ATP2B2: variants seen among roughly 807,000 people sequenced by gnomAD.
ATP2B2 encodes the protein ATPase plasma membrane Ca2+ transporting 2, also known as plasma membrane calcium-transporting ATPase 2.
In ATP2B2, 15 loss-of-function variants were observed where a neutral mutation model predicts 120.0. That is an observed-to-expected ratio of 0.12 (90% CI 0.08 to 0.19). The LOEUF is 0.19. ATP2B2 is among the 10% of genes least tolerant of loss of function. The probability of loss-of-function intolerance (pLI) is 1.00; values close to 1 mark genes in which losing one functional copy is unlikely to be tolerated. For missense variants in ATP2B2, 1,045 were observed against 1,719.8 expected (o/e 0.61, Z 6.94); for synonymous variants, 694 against 700.3 (o/e 0.99, Z 0.14).
At chr3:10,379,457 C>G (rs1480269059) in intron 8 of ATP2B2, among the ~76,000 whole-genome samples, 173 bp from the exon 9 acceptor site, 1 of 152,186 alleles carries the variant, frequency 6.6e-6, no homozygotes, top group Non-Finnish European at 1.5e-5. Context: ...AGGAGCAGGC[C>G]TGGCCGCACC....
intron 2 of ATP2B2, among the ~76,000 whole-genome samples, chr3:10,553,042 T>G (rs895655372): frequency 2.6e-5 from 4 of 152,196 alleles, no homozygotes; most frequent in African/African-American, 9.7e-5. Flanking sequence ...CAGTTCCCCA[T>G]CTGTGCAATG....
chr3:10,495,343 C>T (rs1310723776), intron 1 of ATP2B2, among the ~76,000 whole-genome samples: 2 of 152,188 alleles, frequency 1.3e-5, no homozygotes, highest in Non-Finnish European at 2.9e-5. Flanking sequence ...TCAGTCTCCT[C>T]TTAGGTCCAA....
chr3:10,415,264 C>T (rs2125039520), intron 2 of ATP2B2, among the ~76,000 whole-genome samples: 1 of 152,266 alleles, frequency 6.6e-6, no homozygotes, highest in Non-Finnish European at 1.5e-5. Flanking sequence ...TAGTGCTGTG[C>T]CTGGCACCGG....
intron 15 of ATP2B2, 23 bp from the exon 16 acceptor site, chr3:10,350,222 GCGGGTCGGTGGGGT>G: frequency 6.3e-7 from 1 of 1,593,648 alleles, no homozygotes; most frequent in Non-Finnish European, 8.6e-7. Flanking sequence ...GGGGAAGGGG[GCGGGTCGGTGGGGT>G]CGGGGAGAGA....
intron 1 of ATP2B2, among the ~76,000 whole-genome samples, chr3:10,460,691 G>A (rs1466342812): frequency 6.6e-6 from 1 of 152,174 alleles, no homozygotes; most frequent in African/African-American, 2.4e-5. Flanking sequence ...TGTATAAAAG[G>A]TGACTCAGGG....
At chr3:10,468,911 C>T (rs867604272) in intron 1 of ATP2B2, among the ~76,000 whole-genome samples, 2 of 152,366 alleles carry the variant, frequency 1.3e-5, no homozygotes, top group Middle Eastern at 3.4e-3. Flanking sequence ...TTCAAACACA[C>T]TTCGGTAGTT....
intron 22 of ATP2B2, among the ~76,000 whole-genome samples, chr3:10,333,981 G>T (rs894655394): frequency 6.6e-6 from 1 of 152,250 alleles, no homozygotes; most frequent in Non-Finnish European, 1.5e-5. Flanking sequence ...ATGAAGAAAA[G>T]GGCATTTCTG....
chr3:10,349,286 C>G (rs544511348), intron 16 of ATP2B2, among the ~76,000 whole-genome samples: 6 of 152,040 alleles, frequency 3.9e-5, no homozygotes, highest in Non-Finnish European at 5.9e-5. Context: ...GACCCTGTCT[C>G]TATAAAGAAT....
intron 1 of ATP2B2, among the ~76,000 whole-genome samples, chr3:10,685,896 A>G (rs999273604): frequency 1.3e-5 from 2 of 152,172 alleles, no homozygotes; most frequent in Non-Finnish European, 2.9e-5. Context: ...TTTACGTGAC[A>G]TCTGTGACCA....
Position 10,329,223 on chromosome 3 carries a change from A to G in ATP2B2, c.3421-98T>C. 8.3e-7 allele frequency: 1 copy of G among 1,210,416 alleles called. No homozygotes were observed. The highest frequency in any genetic ancestry group is 1.5e-5 in the African/African-American group (1 of 67,328). The allele number at this position is 1,210,416 out of a possible 1,614,324, so 75.0% of individuals were successfully genotyped here. On this transcript the variant is annotated intron_variant, in intron 22 of 22. Transcript: ENST00000360273. This position sits in a 1 kb window ranked among gnomAD's most constrained non-coding sequence, Gnocchi z 5.9. ...GCGGGTGGGAGAAGGGTTAGGGCAA[A>G]GCAGGTGGCTGGAATCCATAGTCGC...
chr3:10,491,033 C>G (rs1306900939), intron 1 of ATP2B2, among the ~76,000 whole-genome samples: 1 of 152,024 alleles, frequency 6.6e-6, no homozygotes, highest in Non-Finnish European at 1.5e-5. Flanking sequence ...TTTAGCTGAC[C>G]TTTTGCATCT....
At chr3:10,427,961 A>G (rs572603401) in intron 2 of ATP2B2, among the ~76,000 whole-genome samples, 1 of 152,346 alleles carries the variant, frequency 6.6e-6, no homozygotes, top group Non-Finnish European at 1.5e-5. Flanking sequence ...GGTCCAGCAC[A>G]TGGTAGACCT....
chr3:10,510,661 G>A (rs2066743270), intron 3 of ATP2B2, among the ~76,000 whole-genome samples: 1 of 152,248 alleles, frequency 6.6e-6, no homozygotes, highest in South Asian at 2.1e-4. Context: ...TCAGAGCCAT[G>A]AGCTCACAGT....
At chr3:10,493,624 G>T (rs113091838) in intron 1 of ATP2B2, among the ~76,000 whole-genome samples, 105 of 152,350 alleles carry the variant, frequency 6.9e-4, no homozygotes, top group African/African-American at 2.4e-3. Context: ...AGGAAGAACA[G>T]ACGATTGAAA....
At chr3:10,478,390 C>G (rs2065281083) in intron 1 of ATP2B2, among the ~76,000 whole-genome samples, 1 of 152,148 alleles carries the variant, frequency 6.6e-6, no homozygotes, top group Non-Finnish European at 1.5e-5. Flanking sequence ...TCCAATTTAT[C>G]TACTTTTTCT....
chr3:10,373,878 A>G (rs2061311540), intron 11 of ATP2B2, among the ~76,000 whole-genome samples: 1 of 152,102 alleles, frequency 6.6e-6, no homozygotes, highest in African/African-American at 2.4e-5. Context: ...TCTGGCTGCT[A>G]CTAGGAAACT....
intron 2 of ATP2B2, among the ~76,000 whole-genome samples, chr3:10,594,482 T>G (rs149909765): frequency 0.01 from 1,524 of 148,550 alleles, 25 homozygotes; most frequent in African/African-American, 0.036. Flanking sequence ...AAACCAAACA[T>G]TGCATGTTCT....
chr3:10,580,706 G>A (rs1249458670), intron 2 of ATP2B2, among the ~76,000 whole-genome samples: 2 of 152,114 alleles, frequency 1.3e-5, no homozygotes, highest in Non-Finnish European at 2.9e-5. Context: ...GGAGTGGGGC[G>A]AGAACTCTCT....
intron 14 of ATP2B2, among the ~76,000 whole-genome samples, chr3:10,354,542 C>T (rs1290029632): frequency 6.6e-6 from 1 of 152,160 alleles, no homozygotes; most frequent in Admixed American, 6.5e-5. Context: ...GCTTCAAACA[C>T]CCCCGGATAA....
Sources: allele counts gnomAD v4.1 joint callset (sites outside exome capture counted in the v4.1 genomes callset), GRCh38; gene constraint gnomAD v4.1.1; non-coding constraint Gnocchi (gnomAD v3.1); transcripts MANE v1.5; gene names NCBI Gene and HGNC (gene_info 2026-07-23, HGNC 2026-07-21).